TAFA4: variants seen among roughly 807,000 people sequenced by gnomAD.
TAFA4 encodes the protein TAFA chemokine like family member 4.
A neutral mutation model predicts 21.1 loss-of-function variants in TAFA4; 20 were observed. The observed-to-expected ratio is 0.95, with a 90% confidence interval of 0.67 to 1.38. The LOEUF (loss-of-function observed/expected upper bound fraction) is 1.38. Ranked by LOEUF, TAFA4 falls within the 40% of genes most tolerant of loss-of-function variation. The pLI is 0.00. For missense variants in TAFA4, 211 were observed against 180.9 expected, an observed-to-expected ratio of 1.17 and a Z score of -0.95; for synonymous variants, 71 against 67.4, an observed-to-expected ratio of 1.05 and a Z score of -0.26.
At chr3:68,900,268 TAATAATAATAATAAC>T (rs1440310030) in intron 1 of TAFA4, among the ~76,000 whole-genome samples, 15 of 78,822 alleles carry the variant, frequency 1.9e-4, no homozygotes, top group African/African-American at 3.6e-4. Flanking sequence ...ATAATAATAA[TAATAATAATAATAAC>T]AATAATAATA....
chr3:68,798,086 A>G (rs935442373), intron 3 of TAFA4, among the ~76,000 whole-genome samples: 2 of 152,244 alleles, frequency 1.3e-5, no homozygotes, highest in African/African-American at 4.8e-5. Flanking sequence ...TTCATCACAC[A>G]GTATCTCACA....
intron 2 of TAFA4, chr3:68,883,008 C>A (rs968267304): frequency 1.3e-5 from 2 of 152,284 alleles, no homozygotes; most frequent in African/African-American, 4.8e-5. Flanking sequence ...ATCTCAGAAG[C>A]TAAGCAGGGT....
intron 3 of TAFA4, among the ~76,000 whole-genome samples, chr3:68,828,849 C>T (rs1335199328): frequency 2.0e-5 from 3 of 152,086 alleles, no homozygotes; most frequent in Admixed American, 2.0e-4. Flanking sequence ...TTCCTCTTTT[C>T]CTAATTGAAT....
intron 3 of TAFA4, among the ~76,000 whole-genome samples, chr3:68,776,000 C>A (rs1404826043): frequency 6.6e-6 from 1 of 151,744 alleles, no homozygotes; most frequent in African/African-American, 2.4e-5. Context: ...AACTGTCAAC[C>A]CAAAATGTTA....
intron 3 of TAFA4, among the ~76,000 whole-genome samples, chr3:68,820,154 G>A (rs1263841118): frequency 1.3e-5 from 2 of 152,172 alleles, no homozygotes; most frequent in South Asian, 2.1e-4. Context: ...GAACCTGGAG[G>A]ACATTATGTT....
intron 3 of TAFA4, among the ~76,000 whole-genome samples, chr3:68,839,611 A>G (rs1390547465): frequency 1.3e-5 from 2 of 152,194 alleles, no homozygotes; most frequent in Non-Finnish European, 2.9e-5. Context: ...ACACTGAGAA[A>G]CGTAAACCTG....
At chr3:68,825,248 T>G (rs1704202643) in intron 3 of TAFA4, among the ~76,000 whole-genome samples, 1 of 152,186 alleles carries the variant, frequency 6.6e-6, no homozygotes, top group South Asian at 2.1e-4. Flanking sequence ...GTTCCTGTGT[T>G]AGTTTGCTGA....
intron 1 of TAFA4, among the ~76,000 whole-genome samples, chr3:68,918,284 G>A (rs1276883574): frequency 3.3e-5 from 5 of 152,054 alleles, no homozygotes; most frequent in East Asian, 1.9e-4. Context: ...GGGAGAGGTC[G>A]CAAATGACAC....
At chr3:68,805,469 A>G (rs534735927) in intron 3 of TAFA4, among the ~76,000 whole-genome samples, 2 of 152,358 alleles carry the variant, frequency 1.3e-5, no homozygotes, top group South Asian at 2.1e-4. Flanking sequence ...TACCCAAAGG[A>G]CTATAAAATC....
At chr3:68,877,625 A>C (rs559659077) in intron 3 of TAFA4, among the ~76,000 whole-genome samples, 166 of 152,296 alleles carry the variant, frequency 1.1e-3, no homozygotes, top group Non-Finnish European at 1.7e-3. Flanking sequence ...AGCTTGTTGA[A>C]GCCTTTCTCT....
At chr3:68,832,184 C>G (rs1704413555) in intron 3 of TAFA4, among the ~76,000 whole-genome samples, 1 of 152,178 alleles carries the variant, frequency 6.6e-6, no homozygotes, top group South Asian at 2.1e-4. Context: ...CTTCTGTCAA[C>G]TCGTCAAACT....
chr3:68,816,405 G>A (rs972902993), intron 3 of TAFA4, among the ~76,000 whole-genome samples: 1 of 152,012 alleles, frequency 6.6e-6, no homozygotes, highest in African/African-American at 2.4e-5. Flanking sequence ...TCAGTGTTTT[G>A]TAGTTTCCAG....
chr3:68,880,877 G>A, intron 2 of TAFA4, 32 bp from the exon 3 acceptor site: 1 of 1,570,700 alleles, frequency 6.4e-7, no homozygotes, highest in Non-Finnish European at 8.7e-7. Context: ...AGTCAGTGAG[G>A]GCTGAGGAAG....
intron 3 of TAFA4, among the ~76,000 whole-genome samples, chr3:68,865,590 T>G (rs2089406290): frequency 6.6e-6 from 1 of 152,170 alleles, no homozygotes; most frequent in African/African-American, 2.4e-5. Flanking sequence ...CATGTGGAAC[T>G]GTGAGTCGAT....
At chr3:68,763,032 C>CT (rs956630270) in intron 3 of TAFA4, among the ~76,000 whole-genome samples, 2 of 152,188 alleles carry the variant, frequency 1.3e-5, no homozygotes, top group Non-Finnish European at 2.9e-5. Context: ...AGCGAGACTC[C>CT]TTTTTTTCCT....
intron 3 of TAFA4, among the ~76,000 whole-genome samples, chr3:68,769,816 GTAAGCTCTA>G (rs1345516931): frequency 6.6e-6 from 1 of 152,134 alleles, no homozygotes; most frequent in African/African-American, 2.4e-5. Flanking sequence ...CTCTTAGGCT[GTAAGCTCTA>G]TAAGGGCAGG....
chr3:68,898,146 C>A (rs943420650), intron 1 of TAFA4, among the ~76,000 whole-genome samples: 15 of 152,162 alleles, frequency 9.9e-5, no homozygotes, highest in Non-Finnish European at 1.3e-4. Flanking sequence ...CAAGGAGATA[C>A]ATTTTATAGC....
At chr3:68,772,876 T>C (rs1266413918) in intron 3 of TAFA4, among the ~76,000 whole-genome samples, 2 of 152,120 alleles carry the variant, frequency 1.3e-5, no homozygotes, top group African/African-American at 2.4e-5. Flanking sequence ...ATCCATCCAT[T>C]CACTCATCCT....
At chr3:68,736,959 TAC>T (rs1054307286) in intron 5 of TAFA4, among the ~76,000 whole-genome samples, 2 of 152,116 alleles carry the variant, frequency 1.3e-5, no homozygotes, top group Non-Finnish European at 2.9e-5. Flanking sequence ...GAAATGTCAC[TAC>T]CATTGAGGAT....
Sources: gnomAD v4.1 joint callset for allele counts (sites outside exome capture counted in the v4.1 genomes callset) on GRCh38, gnomAD v4.1.1 for gene constraint, MANE v1.5 for transcripts, NCBI Gene and HGNC (gene_info 2026-07-23, HGNC 2026-07-21) for gene names.